The following EFR3B variants were observed in gnomAD, a reference collection of about 807,000 sequenced individuals.
EFR3B encodes EFR3 homolog B.
A neutral mutation model predicts 104.7 loss-of-function variants in EFR3B; 64 were observed. The observed-to-expected ratio is 0.61, with a 90% CI of 0.50 to 0.75. The LOEUF (loss-of-function observed/expected upper bound fraction) is 0.75. Among genes scored for constraint, EFR3B ranks in the 30% least tolerant of loss-of-function variants. The pLI, the probability that EFR3B is intolerant of heterozygous loss-of-function variation, is 0.00. For synonymous variants in EFR3B, 385 were observed against 417.9 expected (o/e 0.92, Z 0.96); for missense variants, 750 against 1,078.5 (o/e 0.70, Z 4.27).
chr2:25,108,458 A>G (rs1032307966), intron 4 of EFR3B, among the ~76,000 whole-genome samples: 1 of 152,222 alleles, frequency 6.6e-6, no homozygotes, highest in East Asian at 1.9e-4. Context: ...TAGTGTATAC[A>G]AACGGTAAAA....
chr2:25,096,749 T>A (rs2149187631), intron 3 of EFR3B, among the ~76,000 whole-genome samples: 1 of 152,206 alleles, frequency 6.6e-6, no homozygotes, highest in Non-Finnish European at 1.5e-5. Flanking sequence ...CAAGGCCCCT[T>A]CCTCCTGGCA....
chr2:25,067,432 T>TG (rs1668367770), intron 1 of EFR3B, among the ~76,000 whole-genome samples: 1 of 151,606 alleles, frequency 6.6e-6, no homozygotes. Context: ...TTTTGTTTTT[T>TG]TTTTTTTGTT....
At chr2:25,097,448 G>A (rs889324680) in intron 3 of EFR3B, among the ~76,000 whole-genome samples, 2 of 152,276 alleles carry the variant, frequency 1.3e-5, no homozygotes, top group South Asian at 4.1e-4. Context: ...TCTCCCTGCC[G>A]TGATGCAGGT....
At chr2:25,070,219 A>G (rs1668457922) in intron 1 of EFR3B, among the ~76,000 whole-genome samples, 1 of 152,020 alleles carries the variant, frequency 6.6e-6, no homozygotes, top group South Asian at 2.1e-4. Flanking sequence ...CTACCTCATT[A>G]CACAATATTT....
chr2:25,121,627 T>C, intron 4 of EFR3B, 46 bp from the exon 5 acceptor site: 3 of 1,549,942 alleles, frequency 1.9e-6, no homozygotes, highest in Non-Finnish European at 1.7e-6. Flanking sequence ...GTGAGAAGCA[T>C]GGTGGGTCAC....
At chr2:25,120,167 C>T (rs970952598) in intron 4 of EFR3B, among the ~76,000 whole-genome samples, 4 of 150,666 alleles carry the variant, frequency 2.7e-5, no homozygotes, top group Non-Finnish European at 4.4e-5. Context: ...CCAGCCTGAT[C>T]AACATGGTGA....
In EFR3B at chr2:25,136,192, C is replaced by T. The variant is rs1012928840; in HGVS notation, c.1485-331C>T. 6.6e-6 allele frequency among the ~76,000 whole-genome samples: 1 copy of T among 152,068 alleles called. No homozygotes were observed. Among genetic ancestry groups the T allele is most frequent in the Non-Finnish European group, 1.5e-5 (1 of 68,016 alleles). ...AATTAGCCGAGTGTGGTGGCTCACA[C>T]CTGTGGTCCCAGCTCTTTGGGAGGC... On this transcript the variant is annotated intron_variant, in intron 13 of 22. Transcript: ENST00000403714. The surrounding 1 kb of genome is among the most constrained non-coding windows in gnomAD (Gnocchi z 4.0).
intron 1 of EFR3B, among the ~76,000 whole-genome samples, chr2:25,059,429 C>T (rs1182245274): frequency 3.3e-5 from 5 of 151,910 alleles, no homozygotes; most frequent in Non-Finnish European, 5.9e-5. Context: ...CATAGTACAA[C>T]GTGGATGAAC....
intron 11 of EFR3B, 124 bp from the exon 12 acceptor site, chr2:25,133,259 C>A: frequency 8.9e-7 from 1 of 1,123,502 alleles, no homozygotes; most frequent in Non-Finnish European, 1.3e-6. Context: ...CCGGAAGTCA[C>A]TGTCCTGGGT....
chr2:25,146,551 G>A (rs1670822030), intron 19 of EFR3B: 2 of 152,260 alleles, frequency 1.3e-5, no homozygotes, highest in African/African-American at 2.4e-5. Flanking sequence ...CCATAGTGGC[G>A]ATTCTCCCTT....
At chr2:25,066,990 A>G (rs1235756745) in intron 1 of EFR3B, among the ~76,000 whole-genome samples, 2 of 152,212 alleles carry the variant, frequency 1.3e-5, no homozygotes, top group Non-Finnish European at 2.9e-5. Flanking sequence ...AAATGGGAGA[A>G]ACAATAAAAA....
At chr2:25,152,693 C>G (rs1449168227) in intron 21 of EFR3B, among the ~76,000 whole-genome samples, 1 of 152,024 alleles carries the variant, frequency 6.6e-6, no homozygotes, top group Non-Finnish European at 1.5e-5. Context: ...ATTTATTAGC[C>G]CCGAATGTCA....
chr2:25,122,713 A>C (rs1329815779), intron 5 of EFR3B, among the ~76,000 whole-genome samples: 1 of 151,520 alleles, frequency 6.6e-6, no homozygotes, highest in Non-Finnish European at 1.5e-5. Context: ...TGCCCTGCAC[A>C]CCCCCACATG....
chr2:25,042,353 C>CG lies in EFR3B; in HGVS notation c.7+39dup. On this transcript the variant is annotated intron_variant, in intron 1 of 22. Coordinates refer to ENST00000403714, the MANE Select transcript of EFR3B (RefSeq NM_014971.2). This position sits in a 1 kb window ranked among gnomAD's most constrained non-coding sequence, Gnocchi z 5.4. ...GGCTCCGCGCCCGGGCCCGGGCCCG[C>CG]GGGGGCGACTCCGCAAACTTCCCCG... 8.0e-7 allele frequency: 1 copy of CG among 1,255,922 alleles called. No homozygotes were observed. The highest frequency in any genetic ancestry group is 1.0e-6 in the Non-Finnish European group (1 of 999,038). The allele number at this position is 1,255,922 out of a possible 1,614,324, so 77.8% of individuals were successfully genotyped here.
chr2:25,133,342 C>T lies in EFR3B; in HGVS notation c.1260-41C>T. ...AGCTGGCAAGTGTGTGACCTCTGCC[C>T]TATTACCATCCTGGTGAGTGTTTGT... On this transcript the variant is annotated intron_variant, in intron 11 of 22. Transcript: ENST00000403714. The T allele has an allele frequency of 3.2e-6, 5 of 1,547,080 alleles. No homozygotes were observed. The South Asian group carries it at 6.0e-5, about 18-fold the overall frequency.
chr2:25,064,076 T>C (rs1180070110), intron 1 of EFR3B, among the ~76,000 whole-genome samples: 1 of 152,220 alleles, frequency 6.6e-6, no homozygotes, highest in Non-Finnish European at 1.5e-5. Flanking sequence ...TTTTGCAGAA[T>C]TCTGGTGCTT....
At chr2:25,097,947 G>T (rs945546173) in intron 3 of EFR3B, among the ~76,000 whole-genome samples, 3 of 152,136 alleles carry the variant, frequency 2.0e-5, no homozygotes, top group Non-Finnish European at 4.4e-5. Context: ...AGCCCTGGCG[G>T]ATGGAGATGG....
At position 25,133,368 on chromosome 2, in the gene EFR3B, GTC is replaced by G; in HGVS notation, c.1260-11_1260-10del. 1 of 1,552,344 alleles carries G rather than the reference GTC, an allele frequency of 6.4e-7. No individual in the cohort carries two copies. The highest frequency in any genetic ancestry group is 8.7e-7 in the Non-Finnish European group (1 of 1,147,092). On this transcript the variant is annotated splice_polypyrimidine_tract_variant and intron_variant, in intron 11 of 22. Coordinates refer to ENST00000403714, the MANE Select transcript of EFR3B (RefSeq NM_014971.2). ...TATTACCATCCTGGTGAGTGTTTGT[GTC>G]TCTGGTCTACAGGGAGAATAGGAAC... is the stretch of plus-strand genomic sequence containing the variant.
In EFR3B at chr2:25,051,406, C is replaced by T. The variant is rs535899396; in HGVS notation, c.7+9087C>T. ...CTGGGATTACAGGCGTGAGCCACCA[C>T]GCCCAGCCTGATTTCTCTTTTGATG... On this transcript the variant is annotated intron_variant, in intron 1 of 22. Coordinates refer to ENST00000403714, the MANE Select transcript of EFR3B (RefSeq NM_014971.2). 5.3e-4 allele frequency among the ~76,000 whole-genome samples: 81 copies of T among 151,728 alleles called. 1 individual carries two copies. Among genetic ancestry groups the T allele is most frequent in the African/African-American group, 1.8e-3 (74 of 41,070 alleles).
Sources: gnomAD v4.1 joint callset for allele counts (sites outside exome capture counted in the v4.1 genomes callset) on GRCh38, gnomAD v4.1.1 for gene constraint, Gnocchi (gnomAD v3.1) non-coding constraint, MANE v1.5 for transcripts, NCBI Gene and HGNC (gene_info 2026-07-23, HGNC 2026-07-21) for gene names.